Variants in KMT2C observed in about 807,000 individuals in gnomAD.
KMT2C encodes lysine methyltransferase 2C, also known as histone-lysine N-methyltransferase 2C.
KMT2C carries 88 observed loss-of-function variants against 507.9 expected under a neutral mutation model. The ratio of observed to expected loss-of-function variants is 0.17; its 90% CI spans 0.15 to 0.21. The LOEUF is 0.21. KMT2C is among the 10% of genes least tolerant of loss of function. KMT2C has a pLI of 1.00. For missense variants in KMT2C, 4,954 were observed against 5,957.8 expected (o/e 0.83, Z 5.55); for synonymous variants, 2,049 against 2,080.8 (o/e 0.98, Z 0.42).
chr7:152,140,935 T>A (rs1047884187), intron 55 of KMT2C, among the ~76,000 whole-genome samples: 1 of 152,112 alleles, frequency 6.6e-6, no homozygotes, highest in Non-Finnish European at 1.5e-5. Flanking sequence ...ACAAGATCAG[T>A]GGAAATGAAG....
intron 13 of KMT2C, among the ~76,000 whole-genome samples, chr7:152,249,422 C>G: frequency 6.7e-6 from 1 of 148,840 alleles, no homozygotes. Context: ...CTCCTGGGCT[C>G]AAGTGGTCCT....
chr7:152,258,228 C>T (rs1247678837), intron 9 of KMT2C, among the ~76,000 whole-genome samples: 1 of 152,116 alleles, frequency 6.6e-6, no homozygotes, highest in Non-Finnish European at 1.5e-5. Flanking sequence ...GGTGAGGGCA[C>T]AACACCAGCG....
chr7:152,148,786 C>T lies in KMT2C; in HGVS notation c.13141G>A (p.Glu4381Lys). 1 of 1,614,204 alleles carries T rather than the reference C, an allele frequency of 6.2e-7. No individual in the cohort carries two copies. The highest frequency in any genetic ancestry group is 8.5e-7 in the Non-Finnish European group (1 of 1,180,026). The change falls in exon 52 of 59, where the codon GAA becomes AAA. Residue 4381 changes from glutamate (E) to lysine (K), a missense_variant. Physicochemically the swap from Glu to Lys is moderately conservative, Grantham distance 56. Around this residue, in one of 29 missense-constraint regions of KMT2C, gnomAD observed 417 missense variants for 461.1 expected, o/e 0.90. Transcript: ENST00000262189. This position sits in a 1 kb window ranked among gnomAD's most constrained non-coding sequence, Gnocchi z 7.1. ...FKPPCEDEID[E>K]FLKKLGTSLK... is the part of the protein sequence containing the mutation. ...GAAGTGCCCAATTTCTTTAGAAATT[C>T]ATCTATTTCATCCTCACAAGGTGGT... is the stretch of plus-strand genomic sequence containing the variant.
At chr7:152,294,053 A>G (rs1198210700) in intron 6 of KMT2C, among the ~76,000 whole-genome samples, 1 of 148,802 alleles carries the variant, frequency 6.7e-6, no homozygotes, top group Non-Finnish European at 1.5e-5. Context: ...ACTTTTAGTG[A>G]AAAGACAGGG....
intron 48 of KMT2C, among the ~76,000 whole-genome samples, chr7:152,153,224 G>A (rs887153904): frequency 1.3e-5 from 2 of 152,122 alleles, no homozygotes; most frequent in Non-Finnish European, 2.9e-5. Flanking sequence ...TTTAGATATT[G>A]TAACATCTGA....
In KMT2C at chr7:152,182,099, C is replaced by T; in HGVS notation, c.5761G>A (p.Ala1921Thr). Residue 1921 changes from alanine (A) to threonine (T), a missense_variant, in exon 36 of 59, where the codon GCA becomes ACA. By Grantham distance (58) the Ala-to-Thr change is moderately conservative. Around this residue, in one of 29 missense-constraint regions of KMT2C, gnomAD observed 1,689 missense variants for 1,654.3 expected, o/e 1.02. Coordinates refer to ENST00000262189, the MANE Select transcript of KMT2C (RefSeq NM_170606.3). The part of the protein sequence containing the change: ...GHSFSRRNSA[A>T]PVENCTPLSS... ...AAAGGTGTACAGTTTTCCACTGGTG[C>T]AGCAGAATTTCTTCTGGAAAAACTA... 6.2e-7 allele frequency: 1 copy of T among 1,614,174 alleles called. No homozygotes were observed. Among genetic ancestry groups the T allele is most frequent in the Non-Finnish European group, 8.5e-7 (1 of 1,180,022 alleles).
chr7:152,249,532 A>G (rs1314536344), intron 13 of KMT2C, among the ~76,000 whole-genome samples: 5 of 151,560 alleles, frequency 3.3e-5, no homozygotes, highest in African/African-American at 4.8e-5. Context: ...TATATCGCCC[A>G]GGCCTATACA....
chr7:152,315,715 G>A (rs558122264), intron 3 of KMT2C, among the ~76,000 whole-genome samples: 3 of 152,220 alleles, frequency 2.0e-5, no homozygotes, highest in South Asian at 2.1e-4. Context: ...GTGGAAGTTC[G>A]AGACCAGCCT....
In KMT2C at chr7:152,367,898, G is replaced by A. The variant is rs10230762; in HGVS notation, c.162-9223C>T. 0.011 allele frequency: 11,633 copies of A among 1,043,758 alleles called. 894 individuals are homozygous for A. In the African/African-American group the frequency reaches 0.16, roughly 15 times the overall value. 64.7% of individuals were successfully genotyped at this position (1,043,758 alleles called of 1,614,324 possible). ...TGGATATTGAGTTTATGAAGCGTTC[G>A]CATGAAAAAGTGATTATCATCCAAC... is the stretch of plus-strand genomic sequence containing the variant. On this transcript the variant is annotated intron_variant, in intron 1 of 58. Transcript: ENST00000262189.
chr7:152,231,112 T>C (rs1451500660), intron 16 of KMT2C, among the ~76,000 whole-genome samples: 1 of 152,208 alleles, frequency 6.6e-6, no homozygotes, highest in Admixed American at 6.5e-5. Flanking sequence ...AAGTTTTAAA[T>C]TGCATATGTG....
chr7:152,231,485 A>G (rs1160360281), intron 16 of KMT2C, among the ~76,000 whole-genome samples: 2 of 152,308 alleles, frequency 1.3e-5, no homozygotes, highest in Non-Finnish European at 2.9e-5. Context: ...GGAACAACTG[A>G]AAGAAGATTA....
intron 1 of KMT2C, among the ~76,000 whole-genome samples, chr7:152,407,965 C>T (rs71252126): frequency 4.2e-5 from 5 of 120,418 alleles, no homozygotes; most frequent in African/African-American, 1.5e-4. Flanking sequence ...GGAACATATA[C>T]TTCAGTATTA....
intron 14 of KMT2C, among the ~76,000 whole-genome samples, chr7:152,239,579 A>G (rs2095346597): frequency 6.6e-6 from 1 of 152,242 alleles, no homozygotes. Flanking sequence ...AGAAAGTAGT[A>G]TCTTATTAAA....
chr7:152,371,825 G>A (rs1047855415), intron 1 of KMT2C, among the ~76,000 whole-genome samples: 1 of 152,022 alleles, frequency 6.6e-6, no homozygotes, highest in Admixed American at 6.6e-5. Context: ...TATTGGCCAT[G>A]CTGGTCTCGA....
At chr7:152,419,730 A>C (rs1296446518) in intron 1 of KMT2C, among the ~76,000 whole-genome samples, 1 of 152,228 alleles carries the variant, frequency 6.6e-6, no homozygotes, top group East Asian at 1.9e-4. Context: ...GGTCAGACAC[A>C]CCTGGATTCA....
rs2129120995 is a variant in KMT2C at position 152,182,433 on chromosome 7, G to A, written c.5427C>T (p.Pro1809=). Residue 1809 remains proline, a synonymous_variant, in exon 36 of 59, where the codon CCC becomes CCT. Coordinates refer to ENST00000262189, the MANE Select transcript of KMT2C (RefSeq NM_170606.3). Reference sequence around the variant, plus strand: ...TTCCATTGCCAGGCTGAGGTGTCAAGGGACTCTGTATCCCACTACTTGGTG... The same window carrying A: ...TTCCATTGCCAGGCTGAGGTGTCAAAGGACTCTGTATCCCACTACTTGGTG... ...SDTPSSGIQS[P]LTPQPGNGNM... 1 of 1,613,986 alleles carries A rather than the reference G, an allele frequency of 6.2e-7. No homozygotes were observed. Among genetic ancestry groups the A allele is most frequent in the Non-Finnish European group, 8.5e-7 (1 of 1,179,910 alleles).
At chr7:152,387,469 ATTTTT>A (rs34278604) in intron 1 of KMT2C, among the ~76,000 whole-genome samples, 2 of 115,720 alleles carry the variant, frequency 1.7e-5, no homozygotes, top group African/African-American at 6.6e-5. Context: ...GTATAATTCC[ATTTTT>A]TTTTTTTTTT....
intron 6 of KMT2C, among the ~76,000 whole-genome samples, chr7:152,290,218 ATATG>A (rs201473266): frequency 0.031 from 3,359 of 108,678 alleles, 87 homozygotes; most frequent in South Asian, 0.093. Context: ...TTTTATATAT[ATATG>A]TGTGTGTGTG....
chr7:152,182,016 A>G lies in KMT2C; in HGVS notation c.5844T>C (p.Pro1948=). 3 of 1,614,194 alleles carry G rather than the reference A, an allele frequency of 1.9e-6. No homozygotes were observed. Among genetic ancestry groups the G allele is most frequent in the Non-Finnish European group, 2.5e-6 (3 of 1,180,014 alleles). The change falls in exon 36 of 59, where the codon CCT becomes CCC. Residue 1948 remains proline (P), a synonymous_variant. Transcript: ENST00000262189. ...MNETTANRPS[P]VRDLCSSSTT... is the part of the protein sequence containing the mutation. Reference sequence around the variant, plus strand: ...TGGAAGAAGAACATAAATCTCTGACAGGGGATGGCCTATTTGCTGTTGTCT... The same window carrying G: ...TGGAAGAAGAACATAAATCTCTGACGGGGGATGGCCTATTTGCTGTTGTCT...
Sources: allele counts gnomAD v4.1 joint callset (sites outside exome capture counted in the v4.1 genomes callset), GRCh38; gene constraint gnomAD v4.1.1; regional missense constraint gnomAD v4.1.1; non-coding constraint Gnocchi (gnomAD v3.1); transcripts MANE v1.5; gene names NCBI Gene and HGNC (gene_info 2026-07-23, HGNC 2026-07-21).